The following COL6A2 variants were observed in gnomAD, a reference collection of about 807,000 sequenced individuals.
COL6A2 encodes collagen type VI alpha 2 chain.
A neutral mutation model predicts 124.9 loss-of-function variants in COL6A2; 90 were observed. The observed-to-expected ratio is 0.72, with a 90% CI of 0.61 to 0.86. COL6A2 has a LOEUF of 0.86. Among genes scored for constraint, COL6A2 ranks in the 40% least tolerant of loss-of-function variants. COL6A2 has a pLI of 0.00. For synonymous variants in COL6A2, 793 were observed against 618.2 expected (o/e 1.28, Z -4.19); for missense variants, 1,607 against 1,502.5 (o/e 1.07, Z -1.15).
In COL6A2 at chr21:46,121,140, G is replaced by A; in HGVS notation, c.1458+17G>A. ...GGAAAGCAGGTCAGTGTCAGTGCAG[G>A]AGGCCGGTGCCCTCTGACCCCACGG... On this transcript the variant is annotated intron_variant, in intron 17 of 27. Transcript: ENST00000300527. 6.2e-7 allele frequency: 1 copy of A among 1,612,356 alleles called. No individual in the cohort carries two copies.
chr21:46,120,441 C>A, intron 15 of COL6A2, 74 bp from the exon 16 acceptor site: 1 of 1,272,034 alleles, frequency 7.9e-7, no homozygotes, highest in Non-Finnish European at 1.1e-6. Context: ...CCCCCGGCCA[C>A]ACCCGCCTCT....
At chr21:46,131,583 A>G (rs2078760338) in intron 27 of COL6A2, among the ~76,000 whole-genome samples, 1 of 152,094 alleles carries the variant, frequency 6.6e-6, no homozygotes, top group Non-Finnish European at 1.5e-5. Flanking sequence ...CTCCCACACT[A>G]CACAGACAGT....
Position 46,122,860 on chromosome 21 carries a change from T to G in COL6A2, c.1609-15T>G, listed in dbSNP as rs746445390. 2.5e-6 allele frequency: 4 copies of G among 1,611,442 alleles called. No homozygotes were observed. Among genetic ancestry groups the G allele is most frequent in the Non-Finnish European group, 3.4e-6 (4 of 1,178,332 alleles). ...AGCTCCTCTGTCCCAGGCTAACATG[T>G]GTTCCCTGTCACAGGGAGGCCGAGG... On this transcript the variant is annotated splice_polypyrimidine_tract_variant and intron_variant, in intron 20 of 27. Transcript: ENST00000300527.
rs781214021 is a variant in COL6A2 at position 46,116,764 on chromosome 21, C to T, written c.955-6C>T. The T allele has an allele frequency of 9.3e-6, 15 of 1,612,980 alleles. No homozygotes were observed. In the Admixed American group the frequency reaches 1.7e-4, roughly 18 times the overall value. ...TAATGGAGTTCCCTCTTCCTTCTCT[C>T]TTCAGGGGGCCCCTGGCCTGGCTGG... On this transcript the variant is annotated splice_polypyrimidine_tract_variant and splice_region_variant and intron_variant, in intron 9 of 27. Coordinates refer to ENST00000300527, the MANE Select transcript of COL6A2 (RefSeq NM_001849.4). The surrounding 1 kb of genome is among the most constrained non-coding windows in gnomAD (Gnocchi z 4.6).
At chr21:46,129,557 G>C (rs963996924) in intron 27 of COL6A2, 2 of 1,477,492 alleles carry the variant, frequency 1.4e-6, no homozygotes, top group Non-Finnish European at 1.8e-6. Flanking sequence ...GGCTGCCCCC[G>C]ACAGGCTGGC....
Position 46,112,516 on chromosome 21 carries a change from C to A in COL6A2, c.653C>A (p.Thr218Asn). 6.2e-7 allele frequency: 1 copy of A among 1,606,206 alleles called. No individual in the cohort carries two copies. The highest frequency in any genetic ancestry group is 8.5e-7 in the Non-Finnish European group (1 of 1,178,084). ...GAGCTCTACCGCAACGACTACGCCA[C>A]CATGCTGCCCGACTCCACCGAGATC... ...PHELYRNDYA[T>N]MLPDSTEIDQ... The change falls in exon 3 of 28, where the codon ACC (threonine) becomes AAC (asparagine). Residue 218 changes from threonine (T) to asparagine (N), a missense_variant. By Grantham distance (65) the Thr-to-Asn change is moderately conservative. Around this residue, in one of 3 missense-constraint regions of COL6A2, gnomAD observed 342 missense variants for 381.5 expected, o/e 0.90. Coordinates refer to ENST00000300527, the MANE Select transcript of COL6A2 (RefSeq NM_001849.4).
At chr21:46,131,118 T>C (rs1392657284) in intron 27 of COL6A2, among the ~76,000 whole-genome samples, 1 of 152,112 alleles carries the variant, frequency 6.6e-6, no homozygotes, top group East Asian at 1.9e-4. Context: ...CAGACACCCT[T>C]GGGGAAACTG....
intron 1 of COL6A2, among the ~76,000 whole-genome samples, chr21:46,105,922 T>G (rs963474731): frequency 1.3e-5 from 2 of 152,216 alleles, no homozygotes; most frequent in African/African-American, 4.8e-5. Context: ...CTCTCTCTGT[T>G]AAAAGACAGA....
intron 14 of COL6A2, 99 bp from the exon 15 acceptor site, chr21:46,119,689 T>C: frequency 9.0e-7 from 1 of 1,109,402 alleles, no homozygotes; most frequent in Non-Finnish European, 1.3e-6. Context: ...AGAGCCCTCC[T>C]GTAGAGAAGG....
chr21:46,119,860 C>T lies in COL6A2; in HGVS notation c.1332+10C>T, dbSNP rs886042745. 7.7e-6 allele frequency: 12 copies of T among 1,555,620 alleles called. No individual in the cohort carries two copies. In the Admixed American group the frequency reaches 1.2e-4, roughly 15 times the overall value. On this transcript the variant is annotated intron_variant, in intron 15 of 27. Transcript: ENST00000300527. The stretch of plus-strand genomic sequence containing the variant: ...CCCCAAGGGGGAGAAGGTGAGTCCT[C>T]GTGTGGAGGCAGCCCAGGGTCTCAC...
intron 21 of COL6A2, among the ~76,000 whole-genome samples, chr21:46,123,718 T>G: frequency 6.8e-6 from 1 of 148,106 alleles, no homozygotes; most frequent in African/African-American, 2.5e-5. Flanking sequence ...GATGGGTGGG[T>G]GGGCGAGTGT....
At chr21:46,121,829 C>T (rs527471504) in intron 18 of COL6A2, among the ~76,000 whole-genome samples, 27 of 152,200 alleles carry the variant, frequency 1.8e-4, no homozygotes, top group African/African-American at 3.1e-4. Context: ...CTTGGGTGTG[C>T]ATGGCACATC....
rs771931533 is a variant in COL6A2 at position 46,122,483 on chromosome 21, G to A, written c.1573-13G>A. 4.3e-6 allele frequency: 7 copies of A among 1,612,752 alleles called. No homozygotes were observed. The highest frequency in any genetic ancestry group is 1.6e-4 in the Middle Eastern group (1 of 6,084). On this transcript the variant is annotated splice_polypyrimidine_tract_variant and intron_variant, in intron 19 of 27. Transcript: ENST00000300527. ...CTGAGGCTGAGTCACCCTGGCTTCTGTTTGCTTCACAGGGAGAAAAAGGCG... is the reference window on the plus strand; with the variant it reads ...CTGAGGCTGAGTCACCCTGGCTTCTATTTGCTTCACAGGGAGAAAAAGGCG...
At chr21:46,129,571 CAGTGG>C in intron 27 of COL6A2, 5 of 1,456,706 alleles carry the variant, frequency 3.4e-6, no homozygotes, top group Non-Finnish European at 4.5e-6. Context: ...GGCTGGCTCT[CAGTGG>C]AGGCCAGAGA....
Position 46,126,092 on chromosome 21 carries a change from C to A in COL6A2, c.2277C>A (p.Ile759=). ...DRDVTVTAIG[I]GDMFHEKHES... ...ACGTCACAGTGACGGCCATCGGCAT[C>A]GGGGACATGTTCCACGAGAAGCACG... The change falls in exon 26 of 28, where the codon ATC becomes ATA. Residue 759 remains isoleucine, a synonymous_variant. Coordinates refer to ENST00000300527, the MANE Select transcript of COL6A2 (RefSeq NM_001849.4). 6.2e-7 allele frequency: 1 copy of A among 1,612,822 alleles called. No homozygotes were observed. The highest frequency in any genetic ancestry group is 1.1e-5 in the South Asian group (1 of 91,084).
intron 27 of COL6A2, among the ~76,000 whole-genome samples, chr21:46,128,079 G>A (rs544287074): frequency 1.3e-5 from 2 of 152,304 alleles, no homozygotes; most frequent in African/African-American, 2.4e-5. Context: ...TCAGGGTGAC[G>A]TGGGCCTCGT....
chr21:46,122,565 A>C, intron 20 of COL6A2, 34 bp downstream of exon 20: 1 of 1,610,038 alleles, frequency 6.2e-7, no homozygotes, highest in Non-Finnish European at 8.5e-7. Context: ...GTGCCCACCC[A>C]GGGTGGGGGT....
Position 46,121,625 on chromosome 21 carries a change from G to GCCCCT in COL6A2, c.1521+12_1521+16dup. 6.2e-7 allele frequency: 1 copy of GCCCCT among 1,612,642 alleles called. No individual in the cohort carries two copies. The highest frequency in any genetic ancestry group is 8.5e-7 in the Non-Finnish European group (1 of 1,179,844). On this transcript the variant is annotated splice_region_variant and intron_variant, in intron 18 of 27. Coordinates refer to ENST00000300527, the MANE Select transcript of COL6A2 (RefSeq NM_001849.4). The stretch of plus-strand genomic sequence containing the variant: ...AGGACAGCCAGGCCCCAAGGTACGT[G>GCCCCT]CCCCTCCCCCAGCAGGACGTATTAG...
At chr21:46,110,161 G>A (rs576589447) in intron 1 of COL6A2, among the ~76,000 whole-genome samples, 14 of 152,242 alleles carry the variant, frequency 9.2e-5, no homozygotes, top group Non-Finnish European at 1.5e-4. Context: ...CACACCACCC[G>A]GCCCGGCCCC....
Sources: gnomAD v4.1 joint callset for allele counts (sites outside exome capture counted in the v4.1 genomes callset) on GRCh38, gnomAD v4.1.1 for gene constraint, gnomAD v4.1.1 regional missense constraint, Gnocchi (gnomAD v3.1) non-coding constraint, MANE v1.5 for transcripts, NCBI Gene and HGNC (gene_info 2026-07-23, HGNC 2026-07-21) for gene names.